Variants in COL26A1 observed in about 807,000 individuals in gnomAD.
COL26A1 encodes the protein collagen alpha-1(XXVI) chain.
COL26A1 carries 41 observed loss-of-function variants against 59.3 expected under a neutral mutation model. The observed-to-expected ratio is 0.69, with a 90% CI of 0.54 to 0.90. COL26A1 has a LOEUF of 0.90. Ranked by LOEUF, COL26A1 falls within the 40% of genes least tolerant of loss-of-function variation. The pLI, the probability that COL26A1 is intolerant of heterozygous loss-of-function variation, is 0.00. For missense variants in COL26A1, 612 were observed against 602.3 expected, an observed-to-expected ratio of 1.02 and a Z score of -0.17; for synonymous variants, 266 against 256.0, an observed-to-expected ratio of 1.04 and a Z score of -0.37.
chr7:101,471,567 G>GTTTTTTTTTTTTTTTTTTTT (rs796287195), intron 3 of COL26A1, among the ~76,000 whole-genome samples: 4 of 112,420 alleles, frequency 3.6e-5, no homozygotes, highest in African/African-American at 1.4e-4. Flanking sequence ...TGTTGTTGTT[G>GTTTTTTTTTTTTTTTTTTTT]TTTGTTTTTT....
At chr7:101,372,024 T>C (rs1268182381) in intron 1 of COL26A1, among the ~76,000 whole-genome samples, 1 of 152,072 alleles carries the variant, frequency 6.6e-6, no homozygotes. Context: ...CTTACATGGG[T>C]TAATATTAAT....
At chr7:101,384,871 C>T (rs1791530281) in intron 1 of COL26A1, among the ~76,000 whole-genome samples, 1 of 152,116 alleles carries the variant, frequency 6.6e-6, no homozygotes, top group South Asian at 2.1e-4. Flanking sequence ...AACAGTGCAG[C>T]CTTCAGTCTG....
intron 1 of COL26A1, among the ~76,000 whole-genome samples, chr7:101,411,494 C>T (rs530776175): frequency 1.3e-5 from 2 of 151,826 alleles, no homozygotes; most frequent in Admixed American, 6.6e-5. Context: ...CTTGCAGGCA[C>T]GGTGCCTAAT....
rs375111871 is a variant in COL26A1, at chr7:101,539,931, G to A, written c.486G>A (p.Pro162=). 1.1e-4 allele frequency: 177 copies of A among 1,613,258 alleles called. 1 individual carries two copies. The highest frequency in any genetic ancestry group is 7.8e-4 in the East Asian group (35 of 44,870). Residue 162 remains proline, a synonymous_variant, in exon 5 of 13, where the codon CCG becomes CCA. Transcript: ENST00000313669. ...LLEAAERPSS[P]DNDLPAPEST... The stretch of plus-strand genomic sequence containing the variant: ...AAGCAGCAGAACGGCCCTCCAGCCC[G>A]GACAACGACCTGCCAGCCCCCGAGA...
At position 101,394,585 on chromosome 7, in the gene COL26A1, C is replaced by CTTT. The variant is rs59966789; in HGVS notation, c.159-25376_159-25374dup. ...CCACGCCTAGCTATTTTTTTCTTTT[C>CTTT]TTTTTTTTTTTTTTTTTTGTAGAGA... is the stretch of plus-strand genomic sequence containing the variant. On this transcript the variant is annotated intron_variant, in intron 1 of 12. Transcript: ENST00000313669. Among the ~76,000 whole-genome samples the CTTT allele has an allele frequency of 1.8e-3, 217 of 122,794 alleles. 4 individuals are homozygous for CTTT. Among genetic ancestry groups the CTTT allele is most frequent in the African/African-American group, 5.7e-3 (186 of 32,506 alleles). The allele number at this position is 122,794 out of a possible 152,430, so 80.6% of individuals were successfully genotyped here.
At chr7:101,539,335 CT>C (rs200640054) in intron 4 of COL26A1, among the ~76,000 whole-genome samples, 8 of 142,680 alleles carry the variant, frequency 5.6e-5, no homozygotes, top group East Asian at 2.0e-4. Flanking sequence ...TGTGTGTGTG[CT>C]TTTTTTTTCT....
At chr7:101,550,460 C>T (rs1442311115) in intron 9 of COL26A1, among the ~76,000 whole-genome samples, 1 of 148,720 alleles carries the variant, frequency 6.7e-6, no homozygotes, top group African/African-American at 2.5e-5. Context: ...GACCCTGTCT[C>T]ATTAAAAAAA....
intron 3 of COL26A1, among the ~76,000 whole-genome samples, chr7:101,521,243 G>T (rs562558803): frequency 6.6e-6 from 1 of 152,136 alleles, no homozygotes; most frequent in Non-Finnish European, 1.5e-5. Context: ...ACCTCCCACC[G>T]TGTCCCTCCC....
rs79328441 is a variant in COL26A1, at chr7:101,370,153, G to T, written c.158+6963G>T. ...TGGGATTACAGGCATGAACCACCGC[G>T]CCTGGCCTGAAGAGGACATTTTAAA... On this transcript the variant is annotated intron_variant, in intron 1 of 12. Coordinates refer to ENST00000313669, the MANE Select transcript of COL26A1 (RefSeq NM_001278563.3). Among the ~76,000 whole-genome samples the T allele has an allele frequency of 5.5e-3, 839 of 151,412 alleles. 7 individuals are homozygous for T. The highest frequency in any genetic ancestry group is 0.019 in the African/African-American group (783 of 41,240).
chr7:101,381,202 C>T (rs1411442387), intron 1 of COL26A1, among the ~76,000 whole-genome samples: 1 of 152,154 alleles, frequency 6.6e-6, no homozygotes, highest in Non-Finnish European at 1.5e-5. Context: ...GGGAAAGAAC[C>T]TATTTCCATG....
At chr7:101,505,969 T>C (rs1794805089) in intron 3 of COL26A1, among the ~76,000 whole-genome samples, 1 of 152,218 alleles carries the variant, frequency 6.6e-6, no homozygotes, top group Admixed American at 6.5e-5. Context: ...CTGAGTCTCC[T>C]GGTCCCTCCC....
chr7:101,364,236 G>A (rs1391875877), intron 1 of COL26A1, among the ~76,000 whole-genome samples: 2 of 97,804 alleles, frequency 2.0e-5, no homozygotes, highest in Non-Finnish European at 3.9e-5. Context: ...TAACTCGCTT[G>A]AATTTAGCTT....
chr7:101,473,834 C>G (rs1428915897), intron 3 of COL26A1, among the ~76,000 whole-genome samples: 5 of 149,276 alleles, frequency 3.3e-5, no homozygotes, highest in Non-Finnish European at 4.4e-5. Context: ...AGCTGTGTGA[C>G]AGAGTGAAAC....
At chr7:101,451,512 G>A (rs1238349773) in intron 3 of COL26A1, among the ~76,000 whole-genome samples, 1 of 148,974 alleles carries the variant, frequency 6.7e-6, no homozygotes, top group African/African-American at 2.4e-5. Flanking sequence ...ATGCCAAGTA[G>A]AACATTTTGG....
chr7:101,412,306 C>T (rs1792260878), intron 1 of COL26A1, among the ~76,000 whole-genome samples: 1 of 152,120 alleles, frequency 6.6e-6, no homozygotes, highest in Admixed American at 6.6e-5. Context: ...AAAGCTACCA[C>T]CCTCATCCTG....
intron 9 of COL26A1, among the ~76,000 whole-genome samples, chr7:101,549,876 C>T (rs1244906662): frequency 6.6e-6 from 1 of 152,174 alleles, no homozygotes; most frequent in Non-Finnish European, 1.5e-5. Context: ...CTCAGCCCCT[C>T]ACCTTGCCCT....
chr7:101,495,045 A>G (rs1473283198), intron 3 of COL26A1, among the ~76,000 whole-genome samples: 2 of 152,110 alleles, frequency 1.3e-5, no homozygotes, highest in Non-Finnish European at 2.9e-5. Flanking sequence ...AAAGTAATTG[A>G]CCTGATATTA....
At chr7:101,500,841 A>G (rs56808058) in intron 3 of COL26A1, among the ~76,000 whole-genome samples, 13,543 of 151,696 alleles carry the variant, frequency 0.089, 1,211 homozygotes, top group African/African-American at 0.23. Flanking sequence ...AAAATAAATA[A>G]ATAGATAAAA....
At chr7:101,463,588 TCCCTC>T (rs1187612025) in intron 3 of COL26A1, among the ~76,000 whole-genome samples, 1 of 119,806 alleles carries the variant, frequency 8.3e-6, no homozygotes, top group Non-Finnish European at 1.7e-5. Context: ...TCCCTTCCCT[TCCCTC>T]CCTCCCTTTC....
Sources: gnomAD v4.1 joint callset for allele counts (sites outside exome capture counted in the v4.1 genomes callset) on GRCh38, gnomAD v4.1.1 for gene constraint, MANE v1.5 for transcripts, NCBI Gene and HGNC (gene_info 2026-07-23, HGNC 2026-07-21) for gene names.